Variants in LDAH observed in about 807,000 individuals in gnomAD.
The protein encoded by LDAH is lipid droplet associated hydrolase, also known as lipid droplet-associated hydrolase.
A neutral mutation model predicts 29.6 loss-of-function variants in LDAH; 26 were observed. The ratio of observed to expected loss-of-function variants is 0.88; its 90% CI spans 0.64 to 1.22. LDAH has a LOEUF of 1.22. Ranked by LOEUF, LDAH falls within the 50% of genes most tolerant of loss-of-function variation. The probability of loss-of-function intolerance (pLI) is 0.00; values close to 1 mark genes in which losing one functional copy is unlikely to be tolerated. For synonymous variants in LDAH, 117 were observed against 133.0 expected (o/e 0.88, Z 0.83); for missense variants, 344 against 387.3 (o/e 0.89, Z 0.94).
intron 5 of LDAH, among the ~76,000 whole-genome samples, chr2:20,711,383 T>C (rs1413974784): frequency 7.4e-6 from 1 of 135,386 alleles, no homozygotes; most frequent in African/African-American, 2.9e-5. Flanking sequence ...AGAGTCCGTA[T>C]CAAAAAAAAA....
At position 20,710,425 on chromosome 2, in the gene LDAH, T is replaced by G. The variant is rs565017132; in HGVS notation, c.704-8773A>C. ...AATAGTCTTACATATATTAAAGAAA[T>G]GGAATTTGTAATTTAAAATCTCTTC... is the stretch of plus-strand genomic sequence containing the variant. On this transcript the variant is annotated intron_variant, in intron 5 of 6. Coordinates refer to ENST00000237822, the MANE Select transcript of LDAH (RefSeq NM_021925.4). 1.2e-4 allele frequency among the ~76,000 whole-genome samples: 18 copies of G among 151,780 alleles called. No individual in the cohort carries two copies. In the East Asian group the frequency reaches 3.5e-3, roughly 29 times the overall value.
At chr2:20,683,684 C>T (rs1327775458), downstream of LDAH, among the ~76,000 whole-genome samples, 1 of 152,132 alleles carries the variant, frequency 6.6e-6, no homozygotes, top group African/African-American at 2.4e-5. Context: ...CCTGGTGAAA[C>T]AGTGCAGGGA....
chr2:20,771,102 T>C (rs1329935482), intron 4 of LDAH, among the ~76,000 whole-genome samples: 3 of 152,246 alleles, frequency 2.0e-5, no homozygotes, highest in Non-Finnish European at 4.4e-5. Context: ...ATTCTATGTA[T>C]GGAATTTGTT....
chr2:20,812,610 C>A (rs1418621978), intron 1 of LDAH, among the ~76,000 whole-genome samples: 22 of 152,116 alleles, frequency 1.4e-4, no homozygotes. Flanking sequence ...TCTTTGGCAA[C>A]CCCTGCTATA....
chr2:20,790,240 T>A lies in LDAH; in HGVS notation c.298+15A>T. 6.2e-7 allele frequency: 1 copy of A among 1,613,428 alleles called. No individual in the cohort carries two copies. On this transcript the variant is annotated intron_variant, in intron 3 of 6. Coordinates refer to ENST00000237822, the MANE Select transcript of LDAH (RefSeq NM_021925.4). Reference sequence around the variant, plus strand: ...CACTCACTCTAAAGGAAAGTAGATATTAACAAGGACATACCCTCTGATGTT... The same window carrying A: ...CACTCACTCTAAAGGAAAGTAGATAATAACAAGGACATACCCTCTGATGTT...
At chr2:20,706,216 G>C (rs1664294762) in intron 5 of LDAH, among the ~76,000 whole-genome samples, 1 of 151,982 alleles carries the variant, frequency 6.6e-6, no homozygotes, top group East Asian at 1.9e-4. Flanking sequence ...TGGGGGCTTA[G>C]GAGAAAAAAA....
intron 1 of LDAH, among the ~76,000 whole-genome samples, chr2:20,809,415 C>A (rs1220867882): frequency 1.3e-5 from 2 of 151,754 alleles, no homozygotes; most frequent in Non-Finnish European, 2.9e-5. Flanking sequence ...AAGGAAAAGA[C>A]TTTCAAATTC....
rs1000520125 is a variant in LDAH, at chr2:20,685,386, A to G, written c.*1517T>C. 3 of 854,596 alleles carry G rather than the reference A, an allele frequency of 3.5e-6. No homozygotes were observed. The highest frequency in any genetic ancestry group is 2.1e-5 in the South Asian group (1 of 47,368). 52.9% of individuals were successfully genotyped at this position (854,596 alleles called of 1,614,324 possible). ...AGGCCTCTCATGCAGATGCCAATAA[A>G]GGATCTGTGTACAGCCCTGTGCTTA... On this transcript the variant is annotated 3_prime_UTR_variant, in exon 7 of 7. Coordinates refer to ENST00000237822, the MANE Select transcript of LDAH (RefSeq NM_021925.4).
chr2:20,804,537 A>G (rs1671933050), intron 1 of LDAH, among the ~76,000 whole-genome samples: 1 of 152,208 alleles, frequency 6.6e-6, no homozygotes, highest in African/African-American at 2.4e-5. Flanking sequence ...AATTAAATAA[A>G]TTGTAACTCA....
At chr2:20,792,181 G>A (rs553492666) in intron 2 of LDAH, among the ~76,000 whole-genome samples, 1 of 152,042 alleles carries the variant, frequency 6.6e-6, no homozygotes, top group Non-Finnish European at 1.5e-5. Flanking sequence ...ATATTACTGA[G>A]TATAACCTTC....
intron 1 of LDAH, among the ~76,000 whole-genome samples, chr2:20,821,807 T>A (rs1673332821): frequency 6.6e-6 from 1 of 152,158 alleles, no homozygotes; most frequent in Admixed American, 6.5e-5. Flanking sequence ...TCCTCCAGTC[T>A]GAAGGCATTA....
At chr2:20,819,801 T>C (rs1250687634) in intron 1 of LDAH, among the ~76,000 whole-genome samples, 1 of 152,160 alleles carries the variant, frequency 6.6e-6, no homozygotes, top group Non-Finnish European at 1.5e-5. Context: ...GGGTATTCAA[T>C]TAGGAAAAGA....
At chr2:20,772,270 T>A (rs1669486066) in intron 4 of LDAH, among the ~76,000 whole-genome samples, 2 of 152,260 alleles carry the variant, frequency 1.3e-5, no homozygotes, top group African/African-American at 4.8e-5. Context: ...GAATATTTTC[T>A]TTCCTATGTT....
intron 6 of LDAH, among the ~76,000 whole-genome samples, chr2:20,701,133 G>A (rs1387538220): frequency 6.6e-6 from 1 of 152,152 alleles, no homozygotes; most frequent in Non-Finnish European, 1.5e-5. Flanking sequence ...CACAAAACTG[G>A]TCTTAGGGTC....
intron 5 of LDAH, among the ~76,000 whole-genome samples, chr2:20,719,240 T>TTTA (rs1553338633): frequency 6.7e-6 from 1 of 148,592 alleles, no homozygotes; most frequent in Non-Finnish European, 1.5e-5. Context: ...TTTTTTTTTT[T>TTTA]AAAGATAGAC....
chr2:20,700,107 A>G (rs888184875), intron 6 of LDAH, among the ~76,000 whole-genome samples: 2 of 152,236 alleles, frequency 1.3e-5, no homozygotes, highest in African/African-American at 4.8e-5. Context: ...ACTTAAATGC[A>G]TTTTTGAAAC....
chr2:20,685,427 T>G lies in LDAH; in HGVS notation c.*1476A>C. ...CCTGTGCTTACGGCCTATGTATCTA[T>G]TAGCTCTTCCCCTTGGGCTAACAGC... On this transcript the variant is annotated 3_prime_UTR_variant, in exon 7 of 7. Coordinates refer to ENST00000237822, the MANE Select transcript of LDAH (RefSeq NM_021925.4). 1.5e-6 allele frequency: 2 copies of G among 1,308,676 alleles called. No homozygotes were observed. Among genetic ancestry groups the G allele is most frequent in the African/African-American group, 1.5e-5 (1 of 67,578 alleles). 81.1% of individuals were successfully genotyped at this position (1,308,676 alleles called of 1,614,324 possible).
intron 6 of LDAH, among the ~76,000 whole-genome samples, chr2:20,689,503 T>C (rs1662833807): frequency 1.3e-5 from 2 of 152,210 alleles, no homozygotes; most frequent in South Asian, 4.1e-4. Context: ...AGTGGGAGAC[T>C]ATTCTTTCCA....
intron 6 of LDAH, among the ~76,000 whole-genome samples, chr2:20,687,593 T>C (rs1321107090): frequency 1.3e-5 from 2 of 152,238 alleles, no homozygotes; most frequent in East Asian, 1.9e-4. Context: ...ATCAGAATCC[T>C]GAGAGAGTTT....
Sources: allele counts gnomAD v4.1 joint callset (sites outside exome capture counted in the v4.1 genomes callset), GRCh38; gene constraint gnomAD v4.1.1; transcripts MANE v1.5; gene names NCBI Gene and HGNC (gene_info 2026-07-23, HGNC 2026-07-21).